NRP1: variants seen among roughly 807,000 people sequenced by gnomAD.
The protein encoded by NRP1 is neuropilin-1.
A neutral mutation model predicts 106.7 loss-of-function variants in NRP1; 35 were observed. The ratio of observed to expected loss-of-function variants is 0.33; its 90% CI spans 0.25 to 0.43. The LOEUF is 0.43. Among genes scored for constraint, NRP1 ranks in the 20% least tolerant of loss-of-function variants. NRP1 has a pLI of 1.00. For synonymous variants in NRP1, 437 were observed against 417.9 expected (o/e 1.05, Z -0.56); for missense variants, 1,024 against 1,170.4 (o/e 0.87, Z 1.83).
chr10:33,234,601 G>A (rs1031285147), intron 6 of NRP1, among the ~76,000 whole-genome samples: 1 of 152,032 alleles, frequency 6.6e-6, no homozygotes, highest in African/African-American at 2.4e-5. Flanking sequence ...CAAAATGGTA[G>A]CAACGAAACA....
At chr10:33,228,198 T>A (rs1400398804) in intron 6 of NRP1, among the ~76,000 whole-genome samples, 1 of 152,050 alleles carries the variant, frequency 6.6e-6, no homozygotes, top group Non-Finnish European at 1.5e-5. Context: ...AGAAAATAGT[T>A]ACACATTACA....
chr10:33,213,468 A>C lies in NRP1; in HGVS notation c.1532T>G (p.Phe511Cys). The change falls in exon 9 of 17, where the codon TTC becomes TGC. Residue 511 changes from phenylalanine to cysteine, a missense_variant. This residue lies in a region of NRP1 where 562 missense variants were observed against 620.3 expected (regional missense o/e 0.91). Transcript: ENST00000374867. Reference protein sequence around the residue: ...QGGKHRENKVFMRKFKIGYSN... With the variant: ...QGGKHRENKVCMRKFKIGYSN... ...GTACCCGATCTTGAACTTCCTCATGAACACCTTGTTCTCTCGGTGCTTCCC... is the reference window on the plus strand; with the variant it reads ...GTACCCGATCTTGAACTTCCTCATGCACACCTTGTTCTCTCGGTGCTTCCC... 5.6e-6 allele frequency: 9 copies of C among 1,613,254 alleles called. No homozygotes were observed. Among genetic ancestry groups the C allele is most frequent in the Non-Finnish European group, 7.6e-6 (9 of 1,179,868 alleles).
At chr10:33,333,143 T>C (rs913051128) in intron 1 of NRP1, among the ~76,000 whole-genome samples, 3 of 152,192 alleles carry the variant, frequency 2.0e-5, no homozygotes, top group Admixed American at 2.0e-4. Context: ...AATTCTACAT[T>C]CATAATTTTT....
chr10:33,221,591 G>T, intron 8 of NRP1, 128 bp downstream of exon 8: 1 of 1,073,846 alleles, frequency 9.3e-7, no homozygotes, highest in Non-Finnish European at 1.3e-6. Context: ...CAAAGTAGAT[G>T]CTTTTAATTG....
chr10:33,282,306 C>A (rs16934338), intron 2 of NRP1, among the ~76,000 whole-genome samples: 1 of 152,092 alleles, frequency 6.6e-6, no homozygotes, highest in Non-Finnish European at 1.5e-5. Flanking sequence ...AAAGGCAGTG[C>A]GTCCGGCTTA....
At chr10:33,235,608 C>A (rs1257006199) in intron 6 of NRP1, among the ~76,000 whole-genome samples, 1 of 152,194 alleles carries the variant, frequency 6.6e-6, no homozygotes, top group Non-Finnish European at 1.5e-5. Context: ...AGAGCAGATA[C>A]AATTGTATTC....
chr10:33,313,015 A>C (rs1846719470), intron 2 of NRP1, among the ~76,000 whole-genome samples: 1 of 152,180 alleles, frequency 6.6e-6, no homozygotes, highest in Admixed American at 6.5e-5. Context: ...TGGAATTTCT[A>C]CTGACTGTGA....
intron 10 of NRP1, among the ~76,000 whole-genome samples, chr10:33,206,671 A>G (rs1209797682): frequency 6.6e-6 from 1 of 152,238 alleles, no homozygotes; most frequent in African/African-American, 2.4e-5. Flanking sequence ...GGATGCCTAC[A>G]ATAGTCATTC....
intron 6 of NRP1, among the ~76,000 whole-genome samples, chr10:33,228,572 A>G (rs1839862089): frequency 6.6e-6 from 1 of 152,306 alleles, no homozygotes; most frequent in African/African-American, 2.4e-5. Flanking sequence ...TCATGGAGGC[A>G]TATTGTCTTT....
rs1589017610 is a variant in NRP1 at position 33,334,320 on chromosome 10, A to T, written c.63T>A (p.Ala21=). 2 of 1,542,888 alleles carry T rather than the reference A, an allele frequency of 1.3e-6. No individual in the cohort carries two copies. Among genetic ancestry groups the T allele is most frequent in the East Asian group, 4.9e-5 (2 of 40,818 alleles). The change falls in exon 1 of 17, where the codon GCT becomes GCA. Residue 21 remains alanine (A), a synonymous_variant. Coordinates refer to ENST00000374867, the MANE Select transcript of NRP1 (RefSeq NM_003873.7). ...VLALVLAPAG[A]FRNDKCGDTI... is the part of the protein sequence containing the mutation. ...CTGCCTGTCACTTACCGTTGCGAAA[A>T]GCGCCGGCCGGGGCGAGGACGAGGG... is the stretch of plus-strand genomic sequence containing the variant.
intron 8 of NRP1, among the ~76,000 whole-genome samples, chr10:33,216,580 A>G (rs1169550147): frequency 1.3e-5 from 2 of 151,662 alleles, no homozygotes; most frequent in Non-Finnish European, 2.9e-5. Context: ...CAGTCTCCTG[A>G]GTAGCTAGGA....
intron 6 of NRP1, among the ~76,000 whole-genome samples, chr10:33,239,820 G>A (rs187484970): frequency 6.6e-6 from 1 of 152,220 alleles, no homozygotes; most frequent in East Asian, 1.9e-4. Context: ...TAGAGCTAAG[G>A]TTATTTGCAA....
intron 4 of NRP1, among the ~76,000 whole-genome samples, chr10:33,263,046 A>T (rs913673377): frequency 1.3e-5 from 2 of 152,242 alleles, no homozygotes; most frequent in Admixed American, 6.5e-5. Flanking sequence ...CAATGACTAT[A>T]AATGATGTAT....
At chr10:33,183,442 T>C (rs1267975409) in intron 15 of NRP1, among the ~76,000 whole-genome samples, 3 of 152,238 alleles carry the variant, frequency 2.0e-5, no homozygotes, top group Non-Finnish European at 2.9e-5. Context: ...TTCGTACATA[T>C]GGTGACCATC....
At chr10:33,281,812 G>A (rs1844154346) in intron 2 of NRP1, among the ~76,000 whole-genome samples, 1 of 152,194 alleles carries the variant, frequency 6.6e-6, no homozygotes, top group Admixed American at 6.5e-5. Context: ...GTGAGGTTGG[G>A]ATATGGAGAG....
intron 6 of NRP1, among the ~76,000 whole-genome samples, chr10:33,248,218 A>C (rs1841568484): frequency 6.6e-6 from 1 of 152,154 alleles, no homozygotes; most frequent in Non-Finnish European, 1.5e-5. Flanking sequence ...TGAACCCAGG[A>C]GGTGGAGGTT....
At chr10:33,303,304 A>G (rs1845932094) in intron 2 of NRP1, among the ~76,000 whole-genome samples, 1 of 152,224 alleles carries the variant, frequency 6.6e-6, no homozygotes, top group Non-Finnish European at 1.5e-5. Context: ...TAATTACCTG[A>G]CAAGAAGAAA....
intron 2 of NRP1, among the ~76,000 whole-genome samples, chr10:33,293,870 G>A (rs1315654842): frequency 6.6e-6 from 1 of 152,188 alleles, no homozygotes; most frequent in African/African-American, 2.4e-5. Flanking sequence ...GTGAATGAAT[G>A]GATTTCACTC....
intron 11 of NRP1, among the ~76,000 whole-genome samples, chr10:33,198,461 A>T (rs945552296): frequency 6.6e-6 from 1 of 152,046 alleles, no homozygotes; most frequent in African/African-American, 2.4e-5. Flanking sequence ...CAAGTAGACA[A>T]CGTATCCTAA....
Sources: allele counts gnomAD v4.1 joint callset (sites outside exome capture counted in the v4.1 genomes callset), GRCh38; gene constraint gnomAD v4.1.1; regional missense constraint gnomAD v4.1.1; transcripts MANE v1.5; gene names NCBI Gene and HGNC (gene_info 2026-07-23, HGNC 2026-07-21).